The following YEATS2 variants were observed in gnomAD, a reference collection of about 807,000 sequenced individuals.
YEATS2 encodes the protein YEATS domain containing 2, also known as YEATS domain-containing protein 2.
A neutral mutation model predicts 163.2 loss-of-function variants in YEATS2; 77 were observed. The ratio of observed to expected loss-of-function variants is 0.47; its 90% CI spans 0.39 to 0.57. The LOEUF (loss-of-function observed/expected upper bound fraction) is 0.57, where lower values mean the gene tolerates loss of function less well. Ranked by LOEUF, YEATS2 falls within the 20% of genes least tolerant of loss-of-function variation. The probability of loss-of-function intolerance (pLI) is 0.00; values close to 1 mark genes in which losing one functional copy is unlikely to be tolerated. For synonymous variants in YEATS2, 631 were observed against 645.1 expected (o/e 0.98, Z 0.33); for missense variants, 1,549 against 1,729.8 (o/e 0.90, Z 1.85).
rs1720812454 is a variant in YEATS2 at position 183,756,730 on chromosome 3, A to C, written c.1552+41A>C. The C allele has an allele frequency of 2.2e-6, 3 of 1,337,372 alleles. No homozygotes were observed. The South Asian group carries it at 7.7e-5, about 35-fold the overall frequency. 82.8% of individuals were successfully genotyped at this position (1,337,372 alleles called of 1,614,324 possible). A position where few individuals can be genotyped will look rare whatever the true frequency, so the allele number is the denominator to read the frequency against. On this transcript the variant is annotated intron_variant, in intron 12 of 30. Coordinates refer to ENST00000305135, the MANE Select transcript of YEATS2 (RefSeq NM_018023.5). Reference sequence around the variant, plus strand: ...ATATTTGTACCATCTAAAGGGTTTGATCTTTATTAAAAATGTAATCCTGCC... The same window carrying C: ...ATATTTGTACCATCTAAAGGGTTTGCTCTTTATTAAAAATGTAATCCTGCC...
At chr3:183,799,105 T>C (rs1440657791) in intron 23 of YEATS2, 116 bp downstream of exon 23, 11 of 814,186 alleles carry the variant, frequency 1.4e-5, no homozygotes, top group Non-Finnish European at 1.8e-5. Flanking sequence ...ATCTGAATCT[T>C]TTGAATTTTC....
At chr3:183,763,805 C>G (rs889082867) in intron 15 of YEATS2, among the ~76,000 whole-genome samples, 2 of 152,088 alleles carry the variant, frequency 1.3e-5, no homozygotes, top group African/African-American at 2.4e-5. Flanking sequence ...TGGCTCACAC[C>G]TGTGAGCCAC....
Position 183,751,008 on chromosome 3 carries a change from C to G in YEATS2, c.970-1065C>G, listed in dbSNP as rs538365509. Among the ~76,000 whole-genome samples, 12 of 152,190 alleles carry G rather than the reference C, an allele frequency of 7.9e-5. No homozygotes were observed. The South Asian group carries it at 2.5e-3, about 32-fold the overall frequency. On this transcript the variant is annotated intron_variant, in intron 9 of 30. Transcript: ENST00000305135. ...TTGCCTGTGCTTTTGGTGTCGTGTCCAAGAAACCATTACCAAATTCAGTGT... is the reference window on the plus strand; with the variant it reads ...TTGCCTGTGCTTTTGGTGTCGTGTCGAAGAAACCATTACCAAATTCAGTGT...
chr3:183,735,864 T>C (rs1253586012), intron 7 of YEATS2, among the ~76,000 whole-genome samples: 4 of 152,168 alleles, frequency 2.6e-5, no homozygotes, highest in African/African-American at 7.2e-5. Context: ...AATTTTGATA[T>C]CTTCTCTCAT....
chr3:183,708,491 A>AT (rs1714856294), intron 1 of YEATS2, among the ~76,000 whole-genome samples: 1 of 152,164 alleles, frequency 6.6e-6, no homozygotes, highest in Non-Finnish European at 1.5e-5. Flanking sequence ...ACTGTACATT[A>AT]CATCATCTTT....
rs567369742 is a variant in YEATS2 at position 183,716,259 on chromosome 3, A to G, written c.100+997A>G. Among the ~76,000 whole-genome samples, 6 of 152,322 alleles carry G rather than the reference A, an allele frequency of 3.9e-5. No individual in the cohort carries two copies. The East Asian group carries it at 5.8e-4, about 15-fold the overall frequency. On this transcript the variant is annotated intron_variant, in intron 2 of 30. Transcript: ENST00000305135. ...CAGACGTGAGCCACCGCGCCCGGCA[A>G]CACTAAATTTACATTATTAAAACAA...
At chr3:183,721,357 T>C (rs1293839661) in intron 4 of YEATS2, among the ~76,000 whole-genome samples, 1 of 152,190 alleles carries the variant, frequency 6.6e-6, no homozygotes, top group African/African-American at 2.4e-5. Context: ...AATAACAGAA[T>C]ACACTGTATT....
At chr3:183,797,396 A>T (rs920300671) in intron 21 of YEATS2, among the ~76,000 whole-genome samples, 1 of 151,902 alleles carries the variant, frequency 6.6e-6, no homozygotes, top group Non-Finnish European at 1.5e-5. Flanking sequence ...ACAAATTAAA[A>T]ATTAGCTGTG....
rs528571798 is a variant in YEATS2 at position 183,732,749 on chromosome 3, A to G, written c.812+3898A>G. On this transcript the variant is annotated intron_variant, in intron 7 of 30. Transcript: ENST00000305135. ...TAACGTTTTTGTATTTTTAGTAGAGATGGGGTTTCACTTATTAGCCACGAT... is the reference window on the plus strand; with the variant it reads ...TAACGTTTTTGTATTTTTAGTAGAGGTGGGGTTTCACTTATTAGCCACGAT... Among the ~76,000 whole-genome samples, 370 of 151,732 alleles carry G rather than the reference A, an allele frequency of 2.4e-3. 2 individuals are homozygous for G. Among genetic ancestry groups the G allele is most frequent in the Non-Finnish European group, 4.0e-3 (269 of 67,954 alleles).
chr3:183,707,910 G>A (rs938786507), intron 1 of YEATS2, among the ~76,000 whole-genome samples: 20 of 151,662 alleles, frequency 1.3e-4, no homozygotes, highest in Admixed American at 7.2e-4. Flanking sequence ...TCCTGACCTC[G>A]TGATCCACCC....
chr3:183,799,178 T>A (rs1007233016), intron 23 of YEATS2, among the ~76,000 whole-genome samples, 189 bp downstream of exon 23: 1 of 152,224 alleles, frequency 6.6e-6, no homozygotes, highest in African/African-American at 2.4e-5. Context: ...GACTTAACAT[T>A]GAGGGAAACA....
chr3:183,724,847 G>A (rs1409688205), intron 6 of YEATS2, among the ~76,000 whole-genome samples: 7 of 152,090 alleles, frequency 4.6e-5, no homozygotes, highest in Non-Finnish European at 8.8e-5. Flanking sequence ...GGGTTCAAGC[G>A]ATTCTCCTGC....
At chr3:183,779,931 C>T (rs955733126) in intron 19 of YEATS2, among the ~76,000 whole-genome samples, 9 of 150,634 alleles carry the variant, frequency 6.0e-5, no homozygotes, top group African/African-American at 1.2e-4. Context: ...CTCTTGACCT[C>T]GTGATCTGCC....
intron 15 of YEATS2, among the ~76,000 whole-genome samples, chr3:183,764,486 T>G (rs1721700834): frequency 6.6e-6 from 1 of 152,024 alleles, no homozygotes; most frequent in Non-Finnish European, 1.5e-5. Flanking sequence ...AAAAAGATTT[T>G]AGCTATCAGA....
intron 8 of YEATS2, among the ~76,000 whole-genome samples, chr3:183,742,173 C>A (rs1420731893): frequency 6.6e-6 from 1 of 152,026 alleles, no homozygotes; most frequent in African/African-American, 2.4e-5. Context: ...ACGATCAAGC[C>A]ACTGCCCTCC....
intron 7 of YEATS2, among the ~76,000 whole-genome samples, chr3:183,729,113 A>T (rs1717432285): frequency 1.3e-5 from 2 of 152,128 alleles, no homozygotes; most frequent in Non-Finnish European, 2.9e-5. Context: ...TCCACTAAAG[A>T]TACAAAAAAT....
At chr3:183,698,734 G>C (rs1713756310) in intron 1 of YEATS2, among the ~76,000 whole-genome samples, 2 of 152,022 alleles carry the variant, frequency 1.3e-5, no homozygotes, top group South Asian at 4.2e-4. Context: ...GTTGACCCAC[G>C]TTTTCCATTC....
At chr3:183,758,330 C>A (rs1720973883) in intron 12 of YEATS2, among the ~76,000 whole-genome samples, 1 of 151,666 alleles carries the variant, frequency 6.6e-6, no homozygotes, top group South Asian at 2.1e-4. Context: ...GCACTCCACC[C>A]CGGGTGACAG....
Position 183,728,761 on chromosome 3 carries a change from C to G in YEATS2, c.722C>G (p.Ser241Cys). ...THKWMVYVRG[S>C]RREPSINHFV... ...AAGTGGATGGTATATGTCCGAGGGT[C>G]CCGTAGAGAACCCAGCATTAATCAT... The change falls in exon 7 of 31, where the codon TCC becomes TGC. Residue 241 changes from serine to cysteine, a missense_variant. By Grantham distance (112) the Ser-to-Cys change is moderately radical (BLOSUM62 -1). Transcript: ENST00000305135. The G allele has an allele frequency of 6.2e-7, 1 of 1,613,968 alleles. No homozygotes were observed. The highest frequency in any genetic ancestry group is 8.5e-7 in the Non-Finnish European group (1 of 1,179,922).
Sources: allele counts gnomAD v4.1 joint callset (sites outside exome capture counted in the v4.1 genomes callset), GRCh38; gene constraint gnomAD v4.1.1; transcripts MANE v1.5; gene names NCBI Gene and HGNC (gene_info 2026-07-23, HGNC 2026-07-21).